Variants in GLE1 observed in about 807,000 individuals in gnomAD.
GLE1 encodes mRNA export factor GLE1.
Under a neutral mutation model 97.3 loss-of-function variants are expected in GLE1, and 78 were observed. The observed-to-expected ratio is 0.80, with a 90% CI of 0.67 to 0.97. GLE1 has a LOEUF of 0.97. Among genes scored for constraint, GLE1 ranks in the 50% least tolerant of loss-of-function variants. GLE1 has a pLI of 0.00. For synonymous variants in GLE1, 302 were observed against 313.4 expected (o/e 0.96, Z 0.39); for missense variants, 753 against 857.5 (o/e 0.88, Z 1.52).
intron 3 of GLE1, among the ~76,000 whole-genome samples, chr9:128,519,203 G>A (rs961939024): frequency 6.6e-6 from 1 of 152,158 alleles, no homozygotes; most frequent in Non-Finnish European, 1.5e-5. Context: ...TGTAGAGCAT[G>A]TGTGTTTGAA....
chr9:128,509,026 T>C lies in GLE1; in HGVS notation c.250T>C (p.Phe84Leu), dbSNP rs761142109. 2.5e-6 allele frequency: 4 copies of C among 1,613,970 alleles called. No homozygotes were observed. Among genetic ancestry groups the C allele is most frequent in the Admixed American group, 1.7e-5 (1 of 60,016 alleles). ...AGCTTCAGCCCTAGATCAACCCTCA[T>C]TTGTTCCCAAATCTCCTGACGCAAG... is the stretch of plus-strand genomic sequence containing the variant. The part of the protein sequence containing the change: ...TSASALDQPS[F>L]VPKSPDASSA... The change falls in exon 2 of 16, where the codon TTT becomes CTT. Residue 84 changes from phenylalanine to leucine, a missense_variant. Phe to Leu is a conservative substitution (Grantham distance 22, BLOSUM62 0). Transcript: ENST00000309971.
chr9:128,520,743 A>G (rs1445387002), intron 3 of GLE1, among the ~76,000 whole-genome samples: 1 of 148,232 alleles, frequency 6.7e-6, no homozygotes, highest in Non-Finnish European at 1.5e-5. Context: ...TCTATCATTT[A>G]TTGCTTCTCC....
chr9:128,539,499 T>C (rs1165840766), intron 13 of GLE1, 117 bp from the exon 14 acceptor site: 2 of 807,164 alleles, frequency 2.5e-6, no homozygotes, highest in African/African-American at 3.4e-5. Context: ...TTCAGTGGCA[T>C]TGTGGTTGAA....
chr9:128,505,582 C>A (rs1846618226), intron 1 of GLE1, among the ~76,000 whole-genome samples: 1 of 152,192 alleles, frequency 6.6e-6, no homozygotes, highest in South Asian at 2.1e-4. Context: ...TATGTGCTTT[C>A]AAACCACCAG....
chr9:128,522,482 G>A (rs1320594663), intron 3 of GLE1, among the ~76,000 whole-genome samples, 186 bp from the exon 4 acceptor site: 4 of 151,956 alleles, frequency 2.6e-5, no homozygotes, highest in African/African-American at 7.3e-5. Flanking sequence ...TGGTGAAACC[G>A]TCTCTACTAA....
In GLE1 at chr9:128,509,047, G is replaced by T. The variant is rs377411601; in HGVS notation, c.271G>T (p.Ala91Ser). Residue 91 changes from alanine (A) to serine (S), a missense_variant, in exon 2 of 16, where the codon GCA becomes TCA. Transcript: ENST00000309971. ...CTCATTTGTTCCCAAATCTCCTGAC[G>T]CAAGCTCTGCCTTTTCCCCAGCCTC... ...QPSFVPKSPD[A>S]SSAFSPASPA... 77 of 1,613,668 alleles carry T rather than the reference G, an allele frequency of 4.8e-5. No individual in the cohort carries two copies. Among genetic ancestry groups the T allele is most frequent in the Non-Finnish European group, 6.5e-5 (77 of 1,179,622 alleles).
intron 2 of GLE1, among the ~76,000 whole-genome samples, chr9:128,511,142 T>C (rs1199457310): frequency 6.6e-6 from 1 of 151,398 alleles, no homozygotes; most frequent in East Asian, 1.9e-4. Flanking sequence ...AGACGGAGGT[T>C]GCAGTGAGCT....
chr9:128,534,041 C>T (rs1197648699), intron 11 of GLE1, 90 bp downstream of exon 11: 5 of 857,152 alleles, frequency 5.8e-6, no homozygotes, highest in Admixed American at 3.4e-5. Flanking sequence ...CCTCACAGCT[C>T]CTATTACGTA....
Position 128,508,947 on chromosome 9 carries a change from A to G in GLE1, c.171A>G (p.Leu57=). ...SYSGWVVEHV[L]PHMQENQPLS... ...CTGGATGGGTGGTAGAGCACGTCCT[A>G]CCCCATATGCAGGAGAACCAACCTC... The change falls in exon 2 of 16, where the codon CTA becomes CTG. Residue 57 remains leucine (L), a synonymous_variant. Transcript: ENST00000309971. 6.2e-7 allele frequency: 1 copy of G among 1,611,514 alleles called. No homozygotes were observed. The highest frequency in any genetic ancestry group is 8.5e-7 in the Non-Finnish European group (1 of 1,177,696).
chr9:128,509,937 C>T (rs1388666681), intron 2 of GLE1, among the ~76,000 whole-genome samples: 1 of 151,082 alleles, frequency 6.6e-6, no homozygotes, highest in Non-Finnish European at 1.5e-5. Flanking sequence ...CCAGCCTAGG[C>T]AACAGAGTGA....
At chr9:128,524,134 C>T (rs976506210) in intron 6 of GLE1, among the ~76,000 whole-genome samples, 3 of 116,662 alleles carry the variant, frequency 2.6e-5, no homozygotes, top group African/African-American at 1.0e-4. Flanking sequence ...GGCTGGAGTG[C>T]AGTAACACAG....
At chr9:128,511,181 G>A (rs1846808329) in intron 2 of GLE1, among the ~76,000 whole-genome samples, 1 of 150,942 alleles carries the variant, frequency 6.6e-6, no homozygotes, top group African/African-American at 2.4e-5. Flanking sequence ...TCTAGCCTGG[G>A]TAACGGAGCA....
chr9:128,537,870 G>T, intron 12 of GLE1, 116 bp from the exon 13 acceptor site: 1 of 719,498 alleles, frequency 1.4e-6, no homozygotes. Context: ...TGTGGCAGGT[G>T]CTAGGGCTGG....
rs748216190 is a variant in GLE1, at chr9:128,523,691, C to T, written c.742C>T (p.Leu248Phe). ...AGAAGGCCAGATCCGCCTGCGGGCCCTCTATGCTCTGCAGGAGGAGATGCT... is the reference window on the plus strand; with the variant it reads ...AGAAGGCCAGATCCGCCTGCGGGCCTTCTATGCTCTGCAGGAGGAGATGCT... ...KEEGQIRLRA[L>F]YALQEEMLQL... The change falls in exon 6 of 16, where the codon CTC becomes TTC. Residue 248 changes from leucine (L) to phenylalanine (F), a missense_variant. Coordinates refer to ENST00000309971, the MANE Select transcript of GLE1 (RefSeq NM_001003722.2). The T allele has an allele frequency of 1.2e-6, 2 of 1,614,058 alleles. No individual in the cohort carries two copies. Among genetic ancestry groups the T allele is most frequent in the Non-Finnish European group, 1.7e-6 (2 of 1,179,986 alleles).
chr9:128,510,053 C>T (rs1846759706), intron 2 of GLE1, among the ~76,000 whole-genome samples: 2 of 151,946 alleles, frequency 1.3e-5, no homozygotes, highest in Admixed American at 1.3e-4. Flanking sequence ...AACATGTCTT[C>T]TTCTTCACCC....
At chr9:128,522,498 C>A (rs1484153466) in intron 3 of GLE1, among the ~76,000 whole-genome samples, 170 bp from the exon 4 acceptor site, 1 of 151,986 alleles carries the variant, frequency 6.6e-6, no homozygotes, top group East Asian at 1.9e-4. Context: ...ACTAAAAATA[C>A]AAAAATTAGC....
At chr9:128,511,957 G>T (rs779434517) in intron 2 of GLE1, among the ~76,000 whole-genome samples, 1 of 151,910 alleles carries the variant, frequency 6.6e-6, no homozygotes, top group Non-Finnish European at 1.5e-5. Flanking sequence ...GATTATAGGC[G>T]CCTGCCACCA....
At chr9:128,507,794 A>G (rs980535041) in intron 1 of GLE1, among the ~76,000 whole-genome samples, 1 of 151,286 alleles carries the variant, frequency 6.6e-6, no homozygotes, top group African/African-American at 2.4e-5. Flanking sequence ...AGGCTGAAGC[A>G]GGAGAATTGC....
intron 14 of GLE1, 103 bp from the exon 15 acceptor site, chr9:128,540,172 C>T (rs1022566771): frequency 3.7e-6 from 3 of 815,742 alleles, no homozygotes; most frequent in Admixed American, 1.8e-5. Context: ...GCTATGATCG[C>T]ACCACCGCGC....
Sources: allele counts gnomAD v4.1 joint callset (sites outside exome capture counted in the v4.1 genomes callset), GRCh38; gene constraint gnomAD v4.1.1; transcripts MANE v1.5; gene names NCBI Gene and HGNC (gene_info 2026-07-23, HGNC 2026-07-21).